MRTFB: variants seen among roughly 807,000 people sequenced by gnomAD.
The protein encoded by MRTFB is myocardin-related transcription factor B.
A neutral mutation model predicts 104.2 loss-of-function variants in MRTFB; 29 were observed. The observed-to-expected ratio is 0.28, with a 90% CI of 0.21 to 0.38. The LOEUF is 0.38. Ranked by LOEUF, MRTFB falls within the 10% of genes least tolerant of loss-of-function variation. The probability of loss-of-function intolerance (pLI) is 1.00; values close to 1 mark genes in which losing one functional copy is unlikely to be tolerated. For missense variants in MRTFB, 1,270 were observed against 1,341.6 expected (o/e 0.95, Z 0.83); for synonymous variants, 535 against 519.5 (o/e 1.03, Z -0.41).
chr16:14,213,718 A>T (rs946220842), intron 6 of MRTFB, 98 bp downstream of exon 6: 1 of 927,092 alleles, frequency 1.1e-6, no homozygotes, highest in African/African-American at 1.7e-5. Flanking sequence ...TAACTTTTTA[A>T]CCCACAGCCT....
At chr16:14,239,728 T>C (rs1047726899) in intron 9 of MRTFB, among the ~76,000 whole-genome samples, 4 of 152,242 alleles carry the variant, frequency 2.6e-5, no homozygotes, top group African/African-American at 9.6e-5. Context: ...TTCAAATTCA[T>C]GTTCATATCA....
chr16:14,138,586 T>C (rs1222408685), intron 2 of MRTFB, among the ~76,000 whole-genome samples: 1 of 152,186 alleles, frequency 6.6e-6, no homozygotes, highest in Non-Finnish European at 1.5e-5. Flanking sequence ...GTCTTTTCTT[T>C]GGTGGGCCGC....
At chr16:14,073,279 G>A (rs1195873395) in intron 1 of MRTFB, among the ~76,000 whole-genome samples, 5 of 152,170 alleles carry the variant, frequency 3.3e-5, no homozygotes, top group Admixed American at 6.5e-5. Context: ...CCTATGTGTT[G>A]TGTGAAGTCT....
chr16:14,246,078 G>T (rs141059148), intron 11 of MRTFB, among the ~76,000 whole-genome samples: 1 of 152,108 alleles, frequency 6.6e-6, no homozygotes, highest in African/African-American at 2.4e-5. Flanking sequence ...TTTGCCTCCC[G>T]ATCTGTAAAA....
chr16:14,227,282 AAAC>A lies in MRTFB; in HGVS notation c.694-6861_694-6859del, dbSNP rs996120681. Among the ~76,000 whole-genome samples, 49 of 146,034 alleles carry A rather than the reference AAAC, an allele frequency of 3.4e-4. 2 individuals are homozygous for A. The highest frequency in any genetic ancestry group is 3.0e-3 in the Admixed American group (45 of 15,014). The stretch of plus-strand genomic sequence containing the variant: ...TTCCCGTGAGAGCTTGTTGTTAAAA[AAAC>A]AAAAACAAAACAAAAAGAAAGAAAG... On this transcript the variant is annotated intron_variant, in intron 8 of 16. Transcript: ENST00000571589.
intron 2 of MRTFB, among the ~76,000 whole-genome samples, chr16:14,107,190 C>G (rs188172809): frequency 1.1e-4 from 17 of 152,192 alleles, no homozygotes; most frequent in African/African-American, 3.9e-4. Flanking sequence ...GAGCCGAGAC[C>G]GTGCCACTGC....
At chr16:14,033,260 CAT>C in the MRTFB span, among the ~76,000 whole-genome samples, 1 of 151,796 alleles carries the variant, frequency 6.6e-6, no homozygotes, top group Non-Finnish European at 1.5e-5. Flanking sequence ...TAAAAAAAAA[CAT>C]AGGTCGGGTG....
At chr16:14,156,684 C>T (rs1375946684) in intron 3 of MRTFB, among the ~76,000 whole-genome samples, 1 of 152,132 alleles carries the variant, frequency 6.6e-6, no homozygotes, top group East Asian at 1.9e-4. Flanking sequence ...ATCCATTGTT[C>T]ATTAATAAAT....
chr16:13,997,791 T>TGAAA, the MRTFB span, among the ~76,000 whole-genome samples: 1 of 31,766 alleles, frequency 3.1e-5, no homozygotes, highest in Non-Finnish European at 6.2e-5. Flanking sequence ...AGACCCTATC[T>TGAAA]CAAAAAAAAA....
At chr16:14,192,687 T>C (rs1387735632) in intron 3 of MRTFB, among the ~76,000 whole-genome samples, 1 of 152,168 alleles carries the variant, frequency 6.6e-6, no homozygotes, top group Non-Finnish European at 1.5e-5. Context: ...AGAAAAAAGC[T>C]ATGTATGCTT....
chr16:14,064,489 G>T, the MRTFB span, among the ~76,000 whole-genome samples: 2 of 152,092 alleles, frequency 1.3e-5, no homozygotes, highest in Middle Eastern at 6.8e-3. Context: ...CCCATTTGTT[G>T]ATTTTTATTG....
chr16:14,256,080 T>A (rs531431199), intron 15 of MRTFB, among the ~76,000 whole-genome samples: 1 of 142,934 alleles, frequency 7.0e-6, no homozygotes, highest in South Asian at 2.2e-4. Context: ...GCCACTGCAC[T>A]CCATCCTGGG....
intron 2 of MRTFB, among the ~76,000 whole-genome samples, chr16:14,093,859 G>C (rs144785426): frequency 6.6e-6 from 1 of 152,176 alleles, no homozygotes; most frequent in Non-Finnish European, 1.5e-5. Flanking sequence ...TTACAGAGCT[G>C]AAGTTTTTAA....
chr16:14,114,231 A>G (rs1373308236), intron 2 of MRTFB, among the ~76,000 whole-genome samples: 1 of 152,222 alleles, frequency 6.6e-6, no homozygotes, highest in Non-Finnish European at 1.5e-5. Flanking sequence ...CTGCCAGACC[A>G]TAGTGCTTTA....
intron 9 of MRTFB, among the ~76,000 whole-genome samples, chr16:14,235,428 C>T (rs1415826595): frequency 2.6e-5 from 4 of 152,210 alleles, no homozygotes; most frequent in African/African-American, 2.4e-5. Context: ...AGAGGGTCTG[C>T]GTGCACAGCC....
At chr16:14,091,343 T>C (rs2035054118) in intron 2 of MRTFB, among the ~76,000 whole-genome samples, 2 of 152,074 alleles carry the variant, frequency 1.3e-5, no homozygotes, top group African/African-American at 2.4e-5. Flanking sequence ...CTAGAGAAGG[T>C]TGCAAAAGGA....
intron 2 of MRTFB, among the ~76,000 whole-genome samples, chr16:14,116,544 T>C (rs2036550696): frequency 6.6e-6 from 1 of 152,220 alleles, no homozygotes; most frequent in African/African-American, 2.4e-5. Context: ...ATCTCACACT[T>C]GGCCTCTGAC....
the MRTFB span, among the ~76,000 whole-genome samples, chr16:14,052,288 T>C: frequency 6.6e-6 from 1 of 152,160 alleles, no homozygotes; most frequent in Admixed American, 6.6e-5. Flanking sequence ...CAATTTTTAT[T>C]GTTACATAAT....
At chr16:14,157,803 C>A (rs2038882347) in intron 3 of MRTFB, among the ~76,000 whole-genome samples, 1 of 152,152 alleles carries the variant, frequency 6.6e-6, no homozygotes, top group South Asian at 2.1e-4. Flanking sequence ...AATGAGACAT[C>A]ACTGAATAAA....
Sources: gnomAD v4.1 joint callset for allele counts (sites outside exome capture counted in the v4.1 genomes callset) on GRCh38, gnomAD v4.1.1 for gene constraint, MANE v1.5 for transcripts, NCBI Gene and HGNC (gene_info 2026-07-23, HGNC 2026-07-21) for gene names.